The following ASTN2 variants were observed in gnomAD, a reference collection of about 807,000 sequenced individuals.
The protein encoded by ASTN2 is astrotactin-2.
Under a neutral mutation model 139.8 loss-of-function variants are expected in ASTN2, and 54 were observed. The ratio of observed to expected loss-of-function variants is 0.39; its 90% CI spans 0.31 to 0.48. The LOEUF is 0.48. Ranked by LOEUF, ASTN2 falls within the 20% of genes least tolerant of loss-of-function variation. ASTN2 has a pLI of 0.95. For missense variants in ASTN2, 1,565 were observed against 1,725.1 expected (o/e 0.91, Z 1.64); for synonymous variants, 756 against 719.5 (o/e 1.05, Z -0.81).
chr9:116,490,097 AG>A (rs1404184682), intron 19 of ASTN2, among the ~76,000 whole-genome samples: 2 of 151,944 alleles, frequency 1.3e-5, no homozygotes, highest in African/African-American at 4.8e-5. Context: ...CTAGAACCAG[AG>A]GTTTGTCTGG....
At chr9:116,836,693 C>T (rs1475465027) in intron 11 of ASTN2, among the ~76,000 whole-genome samples, 5 of 152,156 alleles carry the variant, frequency 3.3e-5, no homozygotes, top group Middle Eastern at 3.4e-3. Context: ...AGAGAGAATC[C>T]AGGGAACTGA....
chr9:116,605,867 G>A lies in ASTN2; in HGVS notation c.3355+12457C>T, dbSNP rs140971058. ...CTAGTGAAAAATCTTTGAATGTAGT[G>A]GATGAGGGTGTGGGAGTAGATAGGA... is the stretch of plus-strand genomic sequence containing the variant. On this transcript the variant is annotated intron_variant, in intron 19 of 22. Transcript: ENST00000313400. Among the ~76,000 whole-genome samples, 93 of 152,270 alleles carry A rather than the reference G, an allele frequency of 6.1e-4. No individual in the cohort carries two copies. In the East Asian group the frequency reaches 0.015, roughly 25 times the overall value.
intron 10 of ASTN2, among the ~76,000 whole-genome samples, chr9:116,921,314 C>T (rs925251298): frequency 5.3e-5 from 8 of 152,258 alleles, no homozygotes; most frequent in South Asian, 4.1e-4. Context: ...CCTGGCTGGG[C>T]GTGGTGGCTC....
intron 20 of ASTN2, among the ~76,000 whole-genome samples, chr9:116,454,416 G>A (rs1848265627): frequency 6.6e-6 from 1 of 151,980 alleles, no homozygotes; most frequent in Non-Finnish European, 1.5e-5. Context: ...TCCAGATAAT[G>A]TGGAGAAATA....
chr9:117,171,477 C>A (rs1245514128), intron 3 of ASTN2, among the ~76,000 whole-genome samples: 6 of 152,070 alleles, frequency 3.9e-5, no homozygotes, highest in Non-Finnish European at 8.8e-5. Flanking sequence ...TAACCTAGTA[C>A]CTGGTATGGA....
At chr9:116,775,408 GAAGA>G (rs1363105105) in intron 13 of ASTN2, among the ~76,000 whole-genome samples, 1 of 150,754 alleles carries the variant, frequency 6.6e-6, no homozygotes, top group Admixed American at 6.6e-5. Context: ...AGGAAGGAAG[GAAGA>G]AAGGAGAGAG....
intron 19 of ASTN2, among the ~76,000 whole-genome samples, chr9:116,528,587 G>A (rs182643884): frequency 6.6e-6 from 1 of 152,208 alleles, no homozygotes; most frequent in Non-Finnish European, 1.5e-5. Flanking sequence ...AATTGCATAA[G>A]TAAAGAGAAA....
At chr9:117,115,810 A>T (rs370545715) in intron 4 of ASTN2, among the ~76,000 whole-genome samples, 4 of 152,074 alleles carry the variant, frequency 2.6e-5, no homozygotes, top group South Asian at 2.1e-4. Flanking sequence ...AGGATCACGA[A>T]GTCAGGAGAT....
At chr9:116,586,818 A>ACT (rs1854164757) in intron 19 of ASTN2, among the ~76,000 whole-genome samples, 2 of 81,170 alleles carry the variant, frequency 2.5e-5, no homozygotes, top group Non-Finnish European at 5.2e-5. Flanking sequence ...AAATTCACAC[A>ACT]CACACACATA....
chr9:117,162,099 C>T (rs1481888687), intron 3 of ASTN2, among the ~76,000 whole-genome samples: 1 of 152,032 alleles, frequency 6.6e-6, no homozygotes, highest in Non-Finnish European at 1.5e-5. Flanking sequence ...GGAGGTAGAT[C>T]ACCCAATAGA....
At chr9:116,849,565 G>A (rs1253470359) in intron 11 of ASTN2, among the ~76,000 whole-genome samples, 1 of 152,134 alleles carries the variant, frequency 6.6e-6, no homozygotes, top group Non-Finnish European at 1.5e-5. Flanking sequence ...GACTTAAAGA[G>A]GTTTAAAGCA....
At chr9:116,970,127 A>C (rs548636685) in intron 10 of ASTN2, among the ~76,000 whole-genome samples, 1 of 152,264 alleles carries the variant, frequency 6.6e-6, no homozygotes, top group East Asian at 1.9e-4. Context: ...CTTTCTTATA[A>C]GGGTACTCAT....
chr9:116,707,285 CAAAAA>C lies in ASTN2; in HGVS notation c.2806+18481_2806+18485del, dbSNP rs766053427. On this transcript the variant is annotated intron_variant, in intron 16 of 22. Transcript: ENST00000313400. The stretch of plus-strand genomic sequence containing the variant: ...GCCCTATGCCACTATGCCCCCTGAC[CAAAAA>C]AAAAAAAAAAAAAAAAAAAAAATTC... Among the ~76,000 whole-genome samples, 10 of 60,628 alleles carry C rather than the reference CAAAAA, an allele frequency of 1.6e-4. No individual in the cohort carries two copies. The East Asian group carries it at 3.2e-3, about 19-fold the overall frequency. 39.8% of individuals were successfully genotyped at this position (60,628 alleles called of 152,430 possible). A position where few individuals can be genotyped will look rare whatever the true frequency, so the allele number is the denominator to read the frequency against.
At chr9:116,890,581 T>C (rs1833738879) in intron 10 of ASTN2, among the ~76,000 whole-genome samples, 1 of 152,212 alleles carries the variant, frequency 6.6e-6, no homozygotes, top group Non-Finnish European at 1.5e-5. Flanking sequence ...ACTTAAGCTT[T>C]CGAAAGTCCC....
chr9:116,900,946 TTTC>T (rs561714960), intron 10 of ASTN2, among the ~76,000 whole-genome samples: 29 of 152,300 alleles, frequency 1.9e-4, no homozygotes, highest in African/African-American at 6.3e-4. Flanking sequence ...TATCCAAGAA[TTTC>T]TTTCTTTCTT....
intron 17 of ASTN2, among the ~76,000 whole-genome samples, chr9:116,647,256 C>T (rs996515654): frequency 6.6e-6 from 1 of 152,094 alleles, no homozygotes; most frequent in African/African-American, 2.4e-5. Flanking sequence ...CTGTGAACTC[C>T]GTAAAGATAA....
At chr9:116,671,278 T>C (rs540721192) in intron 16 of ASTN2, among the ~76,000 whole-genome samples, 74 of 152,108 alleles carry the variant, frequency 4.9e-4, no homozygotes, top group Non-Finnish European at 1.2e-4. Context: ...ATTAAGGTGG[T>C]TGATAAAACT....
At chr9:117,377,717 T>TCAATAGGAACATAG (rs58781877) in intron 1 of ASTN2, among the ~76,000 whole-genome samples, 1 of 151,040 alleles carries the variant, frequency 6.6e-6, no homozygotes, top group Non-Finnish European at 1.5e-5. Context: ...TAAATGTCCA[T>TCAATAGGAACATAG]CAATAGGAAA....
chr9:117,064,365 A>C (rs1827869532), intron 5 of ASTN2, among the ~76,000 whole-genome samples: 1 of 152,070 alleles, frequency 6.6e-6, no homozygotes, highest in Admixed American at 6.5e-5. Flanking sequence ...GAATATCAAC[A>C]CTGGAAAAAT....
Sources: gnomAD v4.1 joint callset for allele counts (sites outside exome capture counted in the v4.1 genomes callset) on GRCh38, gnomAD v4.1.1 for gene constraint, MANE v1.5 for transcripts, NCBI Gene and HGNC (gene_info 2026-07-23, HGNC 2026-07-21) for gene names.